The following SYN2 variants were observed in gnomAD, a reference collection of about 807,000 sequenced individuals.
The protein encoded by SYN2 is synapsin-2.
A neutral mutation model predicts 50.9 loss-of-function variants in SYN2; 19 were observed. The ratio of observed to expected loss-of-function variants is 0.37; its 90% CI spans 0.26 to 0.55. SYN2 has a LOEUF of 0.55. SYN2 is among the 20% of genes least tolerant of loss of function. SYN2 has a pLI of 0.81. For missense variants in SYN2, 587 were observed against 576.4 expected (o/e 1.02, Z -0.19); for synonymous variants, 255 against 224.9 (o/e 1.13, Z -1.20).
rs538631834 is a variant in SYN2 at position 12,099,680 on chromosome 3, G to A, written c.378-40971G>A. Among the ~76,000 whole-genome samples, 22 of 152,046 alleles carry A rather than the reference G, an allele frequency of 1.4e-4. No homozygotes were observed. In the South Asian group the frequency reaches 3.5e-3, roughly 24 times the overall value. ...AATTCAAAGCAATCAATGAAAAAAG[G>A]TAGGCTGGGCGCAATGGCTCACGCC... is the stretch of plus-strand genomic sequence containing the variant. On this transcript the variant is annotated intron_variant, in intron 1 of 12. Coordinates refer to ENST00000621198, the MANE Select transcript of SYN2 (RefSeq NM_133625.6).
intron 1 of SYN2, chr3:12,070,642 TC>T: frequency 7.3e-7 from 1 of 1,361,198 alleles, no homozygotes; most frequent in Non-Finnish European, 1.0e-6. Flanking sequence ...TACGTGGCCA[TC>T]CAGGCCATGC....
intron 8 of SYN2, 69 bp downstream of exon 8, chr3:12,167,377 G>A: frequency 6.7e-7 from 1 of 1,492,622 alleles, no homozygotes; most frequent in South Asian, 1.2e-5. Context: ...AAGAAGTTTA[G>A]GAATTAAGCT....
intron 10 of SYN2, among the ~76,000 whole-genome samples, chr3:12,176,583 T>C (rs1698073451): frequency 6.6e-6 from 1 of 152,220 alleles, no homozygotes; most frequent in African/African-American, 2.4e-5. Context: ...CCTCTTCTCC[T>C]ACCCTGAGCT....
At chr3:12,105,132 A>T (rs902673907) in intron 1 of SYN2, among the ~76,000 whole-genome samples, 4 of 152,138 alleles carry the variant, frequency 2.6e-5, no homozygotes, top group African/African-American at 9.7e-5. Context: ...ATGTACGAGC[A>T]ATCTGATTTC....
rs942805650 is a variant in SYN2 at position 12,041,985 on chromosome 3, G to A, written c.377+37057G>A. Reference sequence around the variant, plus strand: ...CTCATTTCTTCTTCCTTCAATGCTAGCATTGGTCACAGCCTGCTCTGCTCT... The same window carrying A: ...CTCATTTCTTCTTCCTTCAATGCTAACATTGGTCACAGCCTGCTCTGCTCT... On this transcript the variant is annotated intron_variant, in intron 1 of 12. Coordinates refer to ENST00000621198, the MANE Select transcript of SYN2 (RefSeq NM_133625.6). Among the ~76,000 whole-genome samples, 3 of 152,134 alleles carry A rather than the reference G, an allele frequency of 2.0e-5. No individual in the cohort carries two copies. In the South Asian group the frequency reaches 6.2e-4, roughly 32 times the overall value.
chr3:12,062,498 A>G (rs1210430507), intron 1 of SYN2, among the ~76,000 whole-genome samples: 1 of 152,066 alleles, frequency 6.6e-6, no homozygotes, highest in Non-Finnish European at 1.5e-5. Context: ...AAAAAAACTG[A>G]TAAGTTGGAC....
intron 1 of SYN2, among the ~76,000 whole-genome samples, chr3:12,073,074 G>A (rs541982541): frequency 1.3e-5 from 2 of 152,132 alleles, no homozygotes; most frequent in African/African-American, 4.8e-5. Context: ...TCATGGAAGG[G>A]TATAATCATG....
chr3:12,074,033 A>G (rs1695418376), intron 1 of SYN2, among the ~76,000 whole-genome samples: 2 of 152,154 alleles, frequency 1.3e-5, no homozygotes, highest in Admixed American at 6.5e-5. Context: ...AATTAGGGCC[A>G]TACATGTTCC....
At chr3:12,155,046 C>T (rs995898752) in intron 5 of SYN2, among the ~76,000 whole-genome samples, 2 of 20,656 alleles carry the variant, frequency 9.7e-5, no homozygotes, top group Non-Finnish European at 2.4e-4. Context: ...CGAGATCGGG[C>T]GCGTTCAGGG....
At chr3:12,155,299 G>A (rs1328660771) in intron 5 of SYN2, among the ~76,000 whole-genome samples, 3 of 152,218 alleles carry the variant, frequency 2.0e-5, no homozygotes, top group Admixed American at 1.3e-4. Flanking sequence ...TTACACTATT[G>A]TGTGGTTCTA....
intron 1 of SYN2, among the ~76,000 whole-genome samples, chr3:12,078,793 G>T (rs765950932): frequency 1.3e-5 from 2 of 152,002 alleles, no homozygotes; most frequent in Non-Finnish European, 2.9e-5. Flanking sequence ...ACAAGCTCTT[G>T]TTTGGTTTCA....
intron 1 of SYN2, among the ~76,000 whole-genome samples, chr3:12,102,732 A>G (rs1696103992): frequency 6.6e-6 from 1 of 152,154 alleles, no homozygotes; most frequent in Non-Finnish European, 1.5e-5. Context: ...GATGACTGAG[A>G]GTTGTTTTCT....
intron 5 of SYN2, chr3:12,158,504 TC>T: frequency 1.4e-6 from 1 of 702,906 alleles, no homozygotes. Flanking sequence ...AATCTTCATT[TC>T]CTTATGAATC....
At chr3:12,132,123 C>T (rs1696809634) in intron 1 of SYN2, among the ~76,000 whole-genome samples, 1 of 150,588 alleles carries the variant, frequency 6.6e-6, no homozygotes, top group Admixed American at 6.6e-5. Context: ...CCTCCAGCCT[C>T]AGCCTCCCAG....
intron 1 of SYN2, among the ~76,000 whole-genome samples, chr3:12,039,742 CAA>C (rs1354337642): frequency 1.3e-5 from 2 of 152,040 alleles, no homozygotes; most frequent in African/African-American, 2.4e-5. Context: ...TGATCATAGA[CAA>C]GAGATCTTGT....
At position 12,102,658 on chromosome 3, in the gene SYN2, T is replaced by C. The variant is rs79935926; in HGVS notation, c.378-37993T>C. Among the ~76,000 whole-genome samples, 63 of 152,340 alleles carry C rather than the reference T, an allele frequency of 4.1e-4. No homozygotes were observed. The East Asian group carries it at 0.012, about 28-fold the overall frequency. On this transcript the variant is annotated intron_variant, in intron 1 of 12. Transcript: ENST00000621198. ...TTTTGCTATATCTTAACGCATGGTC[T>C]TCAGAATAATGTGATATAATCAGGC...
Position 12,190,669 on chromosome 3 carries a change from C to CTTA in SYN2, c.*45_*46insTAT. 6.3e-7 allele frequency: 1 copy of CTTA among 1,598,030 alleles called. No homozygotes were observed. The highest frequency in any genetic ancestry group is 8.5e-7 in the Non-Finnish European group (1 of 1,172,636). ...CACCCAGCCCAACCGGGAAAGGCAT[C>CTTA]TAAGACATTCACCAACAACAGTCAG... On this transcript the variant is annotated 3_prime_UTR_variant, in exon 13 of 13. Coordinates refer to ENST00000621198, the MANE Select transcript of SYN2 (RefSeq NM_133625.6).
intron 7 of SYN2, among the ~76,000 whole-genome samples, chr3:12,166,282 G>A (rs977687551): frequency 6.6e-6 from 1 of 152,142 alleles, no homozygotes; most frequent in Admixed American, 6.5e-5. Context: ...CTGTCCCCTA[G>A]GCTATCTCCT....
chr3:12,104,301 C>T (rs767074153), intron 1 of SYN2, among the ~76,000 whole-genome samples: 3 of 152,006 alleles, frequency 2.0e-5, no homozygotes, highest in Non-Finnish European at 4.4e-5. Context: ...AAAGGTTAAA[C>T]TTAGGCTTAA....
Sources: gnomAD v4.1 joint callset for allele counts (sites outside exome capture counted in the v4.1 genomes callset) on GRCh38, gnomAD v4.1.1 for gene constraint, MANE v1.5 for transcripts, NCBI Gene and HGNC (gene_info 2026-07-23, HGNC 2026-07-21) for gene names.